ESR1: variants seen among roughly 807,000 people sequenced by gnomAD.
ESR1 encodes estrogen receptor.
In ESR1, 12 loss-of-function variants were observed where a neutral mutation model predicts 52.7. The ratio of observed to expected loss-of-function variants is 0.23; its 90% CI spans 0.15 to 0.37. The LOEUF (loss-of-function observed/expected upper bound fraction) is 0.37, where lower values mean the gene tolerates loss of function less well. ESR1 is among the 10% of genes least tolerant of loss of function. The pLI is 1.00. For missense variants in ESR1, 584 were observed against 779.7 expected (o/e 0.75, Z 2.99); for synonymous variants, 305 against 316.8 (o/e 0.96, Z 0.39).
At chr6:152,006,537 T>C (rs976962199) in intron 4 of ESR1, among the ~76,000 whole-genome samples, 4 of 152,086 alleles carry the variant, frequency 2.6e-5, no homozygotes, top group African/African-American at 9.7e-5. Context: ...AGTCTAGTTC[T>C]TCTGATACTA....
At chr6:151,704,228 AT>A (rs949288062) in intron 2 of ESR1, among the ~76,000 whole-genome samples, 1 of 151,970 alleles carries the variant, frequency 6.6e-6, no homozygotes, top group Admixed American at 6.6e-5. Flanking sequence ...TACAAAGTCG[AT>A]TCTTTTTTTG....
Position 151,883,123 on chromosome 6 carries a change from C to CT in ESR1, c.760+2364dup, listed in dbSNP as rs34822103. On this transcript the variant is annotated intron_variant, in intron 3 of 7. Coordinates refer to ENST00000206249, the MANE Select transcript of ESR1 (RefSeq NM_000125.4). Reference sequence around the variant, plus strand: ...ATATTTGGTTTCTAGTGAGCCCTCCCTTTTTTTTTTTTGAGAGATGGAGTC... The same window carrying CT: ...ATATTTGGTTTCTAGTGAGCCCTCCCTTTTTTTTTTTTTGAGAGATGGAGTC... 8.4e-4 allele frequency among the ~76,000 whole-genome samples: 121 copies of CT among 144,812 alleles called. 1 individual carries two copies. The highest frequency in any genetic ancestry group is 6.8e-3 in the East Asian group (34 of 4,986).
intron 1 of ESR1, among the ~76,000 whole-genome samples, chr6:151,808,773 G>T (rs1251686810): frequency 1.3e-5 from 2 of 152,192 alleles, no homozygotes; most frequent in African/African-American, 4.8e-5. Context: ...AAAGTTGGGG[G>T]TGTTTGGAGT....
At chr6:151,869,370 C>G (rs1319281016) in intron 2 of ESR1, among the ~76,000 whole-genome samples, 1 of 152,152 alleles carries the variant, frequency 6.6e-6, no homozygotes, top group African/African-American at 2.4e-5. Flanking sequence ...TGATGGTTAT[C>G]TGTTGTCCCA....
intron 3 of ESR1, among the ~76,000 whole-genome samples, chr6:151,894,312 G>A (rs763370917): frequency 2.6e-5 from 4 of 151,994 alleles, no homozygotes; most frequent in Non-Finnish European, 5.9e-5. Flanking sequence ...TTTGTTAGAT[G>A]TATAGATTAT....
intron 4 of ESR1, chr6:151,983,655 C>T (rs2128684875): frequency 6.6e-6 from 1 of 152,226 alleles, no homozygotes; most frequent in African/African-American, 2.4e-5. Context: ...GCCAAGACAA[C>T]ATGGCCCATA....
chr6:151,774,054 G>A (rs937478836), intron 2 of ESR1, among the ~76,000 whole-genome samples: 2 of 152,220 alleles, frequency 1.3e-5, no homozygotes, highest in Admixed American at 6.5e-5. Flanking sequence ...AGAGTTGGAA[G>A]AAGTTAGATT....
Position 151,880,686 on chromosome 6 carries a change from C to T in ESR1, c.675C>T (p.Asn225=). 6.2e-7 allele frequency: 1 copy of T among 1,612,114 alleles called. No individual in the cohort carries two copies. The highest frequency in any genetic ancestry group is 8.5e-7 in the Non-Finnish European group (1 of 1,178,140). ...ACGACTATATGTGTCCAGCCACCAA[C>T]CAGTGCACCATTGATAAAAACAGGA... ...GHNDYMCPAT[N]QCTIDKNRRK... The change falls in exon 3 of 8, where the codon AAC becomes AAT. Residue 225 remains asparagine, a synonymous_variant. Coordinates refer to ENST00000206249, the MANE Select transcript of ESR1 (RefSeq NM_000125.4).
chr6:151,874,896 T>A (rs2128317442), intron 2 of ESR1, among the ~76,000 whole-genome samples: 1 of 152,286 alleles, frequency 6.6e-6, no homozygotes, highest in South Asian at 2.1e-4. Context: ...ATAGAAATTT[T>A]AAAAAGTTAA....
At position 151,947,788 on chromosome 6, in the gene ESR1, AT is replaced by A. The variant is rs566493453; in HGVS notation, c.1096+3288del. The stretch of plus-strand genomic sequence containing the variant: ...TGGATAAAGATGACCTTAAGAAATG[AT>A]TTTTTTTCTCTTTGCAGTTTAAAAA... On this transcript the variant is annotated intron_variant, in intron 4 of 7. Coordinates refer to ENST00000206249, the MANE Select transcript of ESR1 (RefSeq NM_000125.4). 5.1e-3 allele frequency among the ~76,000 whole-genome samples: 782 copies of A among 152,072 alleles called. 5 individuals carry two copies. Among genetic ancestry groups the A allele is most frequent in the African/African-American group, 0.017 (687 of 41,488 alleles).
intron 5 of ESR1, among the ~76,000 whole-genome samples, chr6:152,019,123 AAGG>A (rs1360516332): frequency 1.3e-5 from 2 of 152,240 alleles, no homozygotes; most frequent in African/African-American, 4.8e-5. Context: ...GACCAAAAGA[AAGG>A]AGAAGTGAGC....
chr6:151,912,120 G>A (rs1291929893), intron 3 of ESR1, among the ~76,000 whole-genome samples: 2 of 152,234 alleles, frequency 1.3e-5, no homozygotes, highest in African/African-American at 2.4e-5. Context: ...CACAGAGAGT[G>A]CTGATGAATA....
At chr6:152,092,455 G>A (rs568085174) in intron 6 of ESR1, among the ~76,000 whole-genome samples, 4 of 151,242 alleles carry the variant, frequency 2.6e-5, no homozygotes, top group South Asian at 4.2e-4. Context: ...TCCCATACCC[G>A]ACCTACAAAC....
downstream of ESR1, among the ~76,000 whole-genome samples, chr6:152,104,977 T>TA (rs1228062583): frequency 6.6e-6 from 1 of 152,074 alleles, no homozygotes; most frequent in Non-Finnish European, 1.5e-5. Context: ...GAAGCTGCCA[T>TA]AAAAAACCCA....
intron 5 of ESR1, among the ~76,000 whole-genome samples, chr6:152,044,250 T>G (rs2046041715): frequency 1.3e-5 from 2 of 152,194 alleles, no homozygotes; most frequent in Admixed American, 1.3e-4. Context: ...ATCAGTGTTC[T>G]CCACACTATT....
At chr6:152,030,650 G>C (rs1184243286) in intron 5 of ESR1, among the ~76,000 whole-genome samples, 1 of 152,132 alleles carries the variant, frequency 6.6e-6, no homozygotes, top group African/African-American at 2.4e-5. Flanking sequence ...AGTCCTTAGT[G>C]ACCTACAAAG....
At chr6:151,987,956 G>A (rs1435745252) in intron 4 of ESR1, among the ~76,000 whole-genome samples, 1 of 151,992 alleles carries the variant, frequency 6.6e-6, no homozygotes, top group Non-Finnish European at 1.5e-5. Context: ...TGTTGTTTGG[G>A]TTTAATTCAG....
intron 3 of ESR1, among the ~76,000 whole-genome samples, chr6:151,887,005 C>T (rs531639539): frequency 2.7e-5 from 4 of 149,144 alleles, no homozygotes; most frequent in African/African-American, 5.0e-5. Flanking sequence ...CACACCACTG[C>T]ACTCCAGCCT....
chr6:152,016,774 C>T (rs2043200726), intron 5 of ESR1, among the ~76,000 whole-genome samples: 1 of 152,182 alleles, frequency 6.6e-6, no homozygotes, highest in Non-Finnish European at 1.5e-5. Context: ...AAGTGGTTGA[C>T]AGCTGAGAGG....
Sources: gnomAD v4.1 joint callset for allele counts (sites outside exome capture counted in the v4.1 genomes callset) on GRCh38, gnomAD v4.1.1 for gene constraint, MANE v1.5 for transcripts, NCBI Gene and HGNC (gene_info 2026-07-23, HGNC 2026-07-21) for gene names.